NFE2L2: variants seen among roughly 807,000 people sequenced by gnomAD.
NFE2L2 encodes NFE2 like bZIP transcription factor 2.
Under a neutral mutation model 49.6 loss-of-function variants are expected in NFE2L2, and 20 were observed. The observed-to-expected ratio is 0.40, with a 90% CI of 0.28 to 0.59. NFE2L2 has a LOEUF of 0.59. Among genes scored for constraint, NFE2L2 ranks in the 20% least tolerant of loss-of-function variants. The pLI is 0.40. For synonymous variants in NFE2L2, 244 were observed against 256.5 expected, an observed-to-expected ratio of 0.95 and a Z score of 0.47; for missense variants, 578 against 714.2, an observed-to-expected ratio of 0.81 and a Z score of 2.17.
chr2:177,249,043 G>A (rs896522618), intron 1 of NFE2L2, among the ~76,000 whole-genome samples: 2 of 151,596 alleles, frequency 1.3e-5, no homozygotes, highest in Non-Finnish European at 2.9e-5. Flanking sequence ...CATGGAAGAC[G>A]CAGTCTCTAC....
intron 1 of NFE2L2, among the ~76,000 whole-genome samples, chr2:177,260,910 C>A (rs891473230): frequency 2.0e-5 from 3 of 152,134 alleles, no homozygotes; most frequent in Non-Finnish European, 2.9e-5. Context: ...GTGGCTCACA[C>A]CTGTAATCCC....
At chr2:177,236,118 G>C (rs1190616420) in intron 1 of NFE2L2, among the ~76,000 whole-genome samples, 1 of 152,258 alleles carries the variant, frequency 6.6e-6, no homozygotes. Flanking sequence ...TCATTCTGCT[G>C]ACAGCTGGCA....
rs781541178 is a variant in NFE2L2 at position 177,231,201 on chromosome 2, A to T, written c.1402T>A (p.Phe468Ile). The change falls in exon 5 of 5, where the codon TTC becomes ATC. Residue 468 changes from phenylalanine to isoleucine, a missense_variant. Coordinates refer to ENST00000397062, the MANE Select transcript of NFE2L2 (RefSeq NM_006164.5). Reference sequence around the variant, plus strand: ...AGGTTAATGATTTTTTCTACAGGGAATGGGATATGGAGAGCTTTTGCCCTA... The same window carrying T: ...AGGTTAATGATTTTTTCTACAGGGATTGGGATATGGAGAGCTTTTGCCCTA... ...ELRAKALHIP[F>I]PVEKIINLPV... The T allele has an allele frequency of 6.2e-6, 10 of 1,614,126 alleles. No homozygotes were observed. In the South Asian group the frequency reaches 9.9e-5, roughly 16 times the overall value.
chr2:177,250,193 G>A (rs1163460362), intron 1 of NFE2L2, among the ~76,000 whole-genome samples: 6 of 152,212 alleles, frequency 3.9e-5, no homozygotes, highest in Non-Finnish European at 7.3e-5. Context: ...TGGTGCAGAT[G>A]CTATTCAATT....
chr2:177,237,858 T>G (rs770197443), intron 1 of NFE2L2, among the ~76,000 whole-genome samples: 3 of 152,222 alleles, frequency 2.0e-5, no homozygotes, highest in East Asian at 1.9e-4. Flanking sequence ...TTGGGCCGCT[T>G]CTTCTCAGTA....
At chr2:177,242,299 G>C (rs1157281089) in intron 1 of NFE2L2, among the ~76,000 whole-genome samples, 1 of 152,130 alleles carries the variant, frequency 6.6e-6, no homozygotes, top group Non-Finnish European at 1.5e-5. Flanking sequence ...AAAAATAACT[G>C]GCCTAGCAAC....
chr2:177,233,050 GT>G (rs1258379244), intron 3 of NFE2L2, 199 bp downstream of exon 3: 3,256 of 431,544 alleles, frequency 7.5e-3, no homozygotes, highest in South Asian at 0.014. Flanking sequence ...TGTGTGAAGG[GT>G]TTTTTTTTTT....
At chr2:177,233,841 C>A (rs1689647641) in intron 2 of NFE2L2, 164 bp downstream of exon 2, 4 of 829,278 alleles carry the variant, frequency 4.8e-6, no homozygotes, top group Non-Finnish European at 7.4e-6. Flanking sequence ...GTACTGAACT[C>A]AGGTTAGGTA....
At chr2:177,260,150 A>G (rs1690678037) in intron 1 of NFE2L2, among the ~76,000 whole-genome samples, 1 of 152,230 alleles carries the variant, frequency 6.6e-6, no homozygotes, top group Non-Finnish European at 1.5e-5. Context: ...TAGATGATCA[A>G]AGAATAAACT....
chr2:177,249,673 A>C (rs1690264605), intron 1 of NFE2L2, among the ~76,000 whole-genome samples: 2 of 152,232 alleles, frequency 1.3e-5, no homozygotes, highest in East Asian at 3.8e-4. Context: ...CAATATATCC[A>C]AAATTATTTT....
chr2:177,232,851 A>G (rs1178044445), intron 3 of NFE2L2: 2 of 504,274 alleles, frequency 4.0e-6, no homozygotes, highest in African/African-American at 3.8e-5. Flanking sequence ...TTTATATAAT[A>G]TCTAGCACAG....
intron 1 of NFE2L2, among the ~76,000 whole-genome samples, chr2:177,263,042 G>A (rs961821378): frequency 6.6e-6 from 1 of 152,184 alleles, no homozygotes; most frequent in Admixed American, 6.5e-5. Flanking sequence ...ACATTTAACA[G>A]CATAAACGTA....
intron 1 of NFE2L2, among the ~76,000 whole-genome samples, chr2:177,254,145 C>T (rs1354709377): frequency 6.6e-6 from 1 of 152,144 alleles, no homozygotes; most frequent in African/African-American, 2.4e-5. Flanking sequence ...TTAGTTTATC[C>T]TTTTGTTACC....
chr2:177,263,768 C>A lies in NFE2L2; in HGVS notation c.45+764G>T, dbSNP rs561241633. On this transcript the variant is annotated intron_variant, in intron 1 of 4. Transcript: ENST00000397062. Reference sequence around the variant, plus strand: ...CGTTACGAGGGGCCAACTCCGGGTGCCCGAGCCCGAACCCCTCCCCGGCCG... The same window carrying A: ...CGTTACGAGGGGCCAACTCCGGGTGACCGAGCCCGAACCCCTCCCCGGCCG... 1.7e-5 allele frequency: 17 copies of A among 985,520 alleles called. No homozygotes were observed. In the South Asian group the frequency reaches 8.0e-4, roughly 46 times the overall value. The allele number at this position is 985,520 out of a possible 1,614,324, so 61.0% of individuals were successfully genotyped here. A position where few individuals can be genotyped will look rare whatever the true frequency, so the allele number is the denominator to read the frequency against.
chr2:177,242,742 T>G (rs1371964681), intron 1 of NFE2L2, among the ~76,000 whole-genome samples: 2 of 152,182 alleles, frequency 1.3e-5, no homozygotes, highest in Non-Finnish European at 2.9e-5. Context: ...AGCAAGAATT[T>G]GGATTATTTT....
In NFE2L2 at chr2:177,260,931, G is replaced by A. The variant is rs912705933; in HGVS notation, c.45+3601C>T. On this transcript the variant is annotated intron_variant, in intron 1 of 4. Transcript: ENST00000397062. ...CACACCTGTAATCCCAACACTTTGG[G>A]AGGCCGAGGCGGGTGGATCACCTGA... Among the ~76,000 whole-genome samples, 14 of 152,096 alleles carry A rather than the reference G, an allele frequency of 9.2e-5. 1 individual carries two copies. Among genetic ancestry groups the A allele is most frequent in the Non-Finnish European group, 2.1e-4 (14 of 68,012 alleles).
intron 1 of NFE2L2, among the ~76,000 whole-genome samples, chr2:177,259,821 A>G (rs1199033614): frequency 6.6e-6 from 1 of 152,012 alleles, no homozygotes; most frequent in African/African-American, 2.4e-5. Context: ...AGTACCAGCT[A>G]CTCGGGAGGC....
Position 177,231,708 on chromosome 2 carries a change from T to A in NFE2L2, c.895A>T (p.Met299Leu), listed in dbSNP as rs771646528. 21 of 1,614,222 alleles carry A rather than the reference T, an allele frequency of 1.3e-5. No homozygotes were observed. The highest frequency in any genetic ancestry group is 1.8e-5 in the Non-Finnish European group (21 of 1,180,032). The change falls in exon 5 of 5, where the codon ATG (methionine) becomes TTG (leucine). Residue 299 changes from methionine to leucine, a missense_variant. Transcript: ENST00000397062. ...FIAEPSISNS[M>L]PSPATLSHSL... ...TGGCTTAAAGTAGCAGGTGAGGGCA[T>A]GCTGTTGCTGATACTGGGCTCAGCT...
chr2:177,261,349 T>A (rs376219073), intron 1 of NFE2L2, among the ~76,000 whole-genome samples: 1 of 152,294 alleles, frequency 6.6e-6, no homozygotes, highest in African/African-American at 2.4e-5. Context: ...AATGTCTTGC[T>A]AAATGGAAAA....
Sources: allele counts gnomAD v4.1 joint callset (sites outside exome capture counted in the v4.1 genomes callset), GRCh38; gene constraint gnomAD v4.1.1; transcripts MANE v1.5; gene names NCBI Gene and HGNC (gene_info 2026-07-23, HGNC 2026-07-21).